Variants in FNIP1 observed in about 807,000 individuals in gnomAD.
FNIP1 encodes the protein folliculin interacting protein 1.
A neutral mutation model predicts 124.5 loss-of-function variants in FNIP1; 40 were observed. The ratio of observed to expected loss-of-function variants is 0.32; its 90% CI spans 0.25 to 0.42. The LOEUF is 0.42. Among genes scored for constraint, FNIP1 ranks in the 10% least tolerant of loss-of-function variants. The pLI, the probability that FNIP1 is intolerant of heterozygous loss-of-function variation, is 1.00. For synonymous variants in FNIP1, 472 were observed against 470.6 expected (o/e 1.00, Z -0.04); for missense variants, 1,176 against 1,403.7 (o/e 0.84, Z 2.59).
chr5:131,722,750 A>G (rs984436153), intron 3 of FNIP1, among the ~76,000 whole-genome samples: 5 of 152,334 alleles, frequency 3.3e-5, no homozygotes, highest in African/African-American at 1.2e-4. Flanking sequence ...CAATGGCACA[A>G]TCTCGGCTCA....
intron 13 of FNIP1, 93 bp downstream of exon 13, chr5:131,677,610 A>C (rs1410928035): frequency 1.7e-5 from 21 of 1,230,260 alleles, no homozygotes; most frequent in Non-Finnish European, 8.0e-6. Context: ...AGGAGGTAAA[A>C]GCATTTTATT....
At chr5:131,658,894 T>A (rs1354123660) in intron 15 of FNIP1, among the ~76,000 whole-genome samples, 2 of 87,620 alleles carry the variant, frequency 2.3e-5, no homozygotes, top group Admixed American at 1.9e-4. Flanking sequence ...AGTTTTTAAA[T>A]CCTGGGTCTA....
chr5:131,781,141 C>A (rs1027558844), intron 1 of FNIP1, among the ~76,000 whole-genome samples: 1 of 152,234 alleles, frequency 6.6e-6, no homozygotes, highest in African/African-American at 2.4e-5. Context: ...AAAGCCTAAT[C>A]CAGGGCAAGG....
rs1175358962 is a variant in FNIP1 at position 131,706,414 on chromosome 5, C to T, written c.911G>A (p.Arg304Lys). 1 of 1,609,418 alleles carries T rather than the reference C, an allele frequency of 6.2e-7. No homozygotes were observed. The highest frequency in any genetic ancestry group is 1.3e-5 in the African/African-American group (1 of 74,732). ...TTSLENGVFP[R>K]WSIEESFNLS... ...TGTGTTTAAAGTTCCAACTTACCAT[C>T]TAGGAAATACCCCATTTTCCAAACT... is the stretch of plus-strand genomic sequence containing the variant. Residue 304 changes from arginine to lysine, a missense_variant, in exon 9 of 18, where the codon AGA (arginine) becomes AAA (lysine). By Grantham distance (26) the Arg-to-Lys change is conservative (BLOSUM62 2). Around this residue, in one of 2 missense-constraint regions of FNIP1, gnomAD observed 1,109 missense variants for 1,288.5 expected, o/e 0.86. Coordinates refer to ENST00000510461, the MANE Select transcript of FNIP1 (RefSeq NM_133372.3).
intron 1 of FNIP1, 75 bp downstream of exon 1, chr5:131,796,755 G>A (rs1580848434): frequency 1.5e-6 from 2 of 1,378,482 alleles, no homozygotes; most frequent in Admixed American, 4.3e-5. Flanking sequence ...TCGGAACACC[G>A]AAGGCCCCAA....
At chr5:131,734,875 T>A (rs1216628532) in intron 2 of FNIP1, among the ~76,000 whole-genome samples, 1 of 152,198 alleles carries the variant, frequency 6.6e-6, no homozygotes, top group Non-Finnish European at 1.5e-5. Context: ...TGTAAACTAG[T>A]TCAACCATTG....
chr5:131,686,712 T>A (rs1034663973), intron 11 of FNIP1, among the ~76,000 whole-genome samples: 1 of 152,162 alleles, frequency 6.6e-6, no homozygotes, highest in African/African-American at 2.4e-5. Context: ...AATGTACAAC[T>A]AAATTATTAT....
At chr5:131,671,289 C>T (rs1767740785) in intron 14 of FNIP1, among the ~76,000 whole-genome samples, 1 of 152,190 alleles carries the variant, frequency 6.6e-6, no homozygotes, top group African/African-American at 2.4e-5. Context: ...TACTTATCAA[C>T]CAGATCCTTT....
chr5:131,652,483 T>C (rs942565747), intron 15 of FNIP1, among the ~76,000 whole-genome samples: 2 of 152,256 alleles, frequency 1.3e-5, no homozygotes. Context: ...GCCTCCCAAG[T>C]AGCTGGGACT....
intron 3 of FNIP1, 144 bp from the exon 4 acceptor site, chr5:131,719,561 G>C: frequency 3.2e-6 from 2 of 629,254 alleles, no homozygotes; most frequent in Non-Finnish European, 5.1e-6. Flanking sequence ...TCTGCAACTC[G>C]ATTTTCTTCC....
Position 131,787,501 on chromosome 5 carries a change from T to C in FNIP1, c.92+9329A>G, listed in dbSNP as rs148286021. ...CAGCTACAACTTGATAAAAGGCTGA[T>C]AAGCCAAACTGAGGACTTTGAACTT... On this transcript the variant is annotated intron_variant, in intron 1 of 17. Coordinates refer to ENST00000510461, the MANE Select transcript of FNIP1 (RefSeq NM_133372.3). Among the ~76,000 whole-genome samples, 976 of 152,326 alleles carry C rather than the reference T, an allele frequency of 6.4e-3. 8 individuals carry two copies. The highest frequency in any genetic ancestry group is 0.01 in the Non-Finnish European group (699 of 68,022).
intron 1 of FNIP1, among the ~76,000 whole-genome samples, chr5:131,775,006 T>C (rs984351273): frequency 6.6e-6 from 1 of 152,242 alleles, no homozygotes; most frequent in South Asian, 2.1e-4. Flanking sequence ...GTGTGCTACA[T>C]ATTGCTTCGG....
intron 3 of FNIP1, among the ~76,000 whole-genome samples, chr5:131,727,273 G>A (rs577715177): frequency 5.6e-4 from 86 of 152,220 alleles, no homozygotes; most frequent in African/African-American, 2.0e-3. Flanking sequence ...CTATTATTGT[G>A]TGGGAGTCTC....
In FNIP1 at chr5:131,693,333, C is replaced by CATATATATATATATATATATACATAT. The variant is rs1768564827; in HGVS notation, c.1202+5583_1202+5584insATATGTATATATATATATATATATAT. 6.8e-4 allele frequency among the ~76,000 whole-genome samples: 34 copies of CATATATATATATATATATATACATAT among 50,138 alleles called. 1 individual carries two copies. Among genetic ancestry groups the CATATATATATATATATATATACATAT allele is most frequent in the African/African-American group, 2.3e-3 (34 of 14,702 alleles). 32.9% of individuals were successfully genotyped at this position (50,138 alleles called of 152,430 possible). ...ATATATATACACATATATATATATA[C>CATATATATATATATATATATACATAT]ATATATATATATATATATATATATA... On this transcript the variant is annotated intron_variant, in intron 11 of 17. Transcript: ENST00000510461.
At chr5:131,674,032 G>A (rs529588992) in intron 13 of FNIP1, among the ~76,000 whole-genome samples, 1 of 151,732 alleles carries the variant, frequency 6.6e-6, no homozygotes, top group East Asian at 1.9e-4. Context: ...GCAAGACTCC[G>A]TCTCAAAAAA....
intron 2 of FNIP1, among the ~76,000 whole-genome samples, chr5:131,731,672 AC>A (rs1770098862): frequency 6.6e-6 from 1 of 151,928 alleles, no homozygotes; most frequent in African/African-American, 2.4e-5. Flanking sequence ...ACCCAAACAA[AC>A]AAAACAACCC....
chr5:131,715,920 C>A (rs1418575694), intron 6 of FNIP1, among the ~76,000 whole-genome samples: 1 of 151,962 alleles, frequency 6.6e-6, no homozygotes, highest in African/African-American at 2.4e-5. Context: ...AATTGCTATC[C>A]CATTCCCTTG....
chr5:131,658,634 G>C (rs79254614), intron 15 of FNIP1, among the ~76,000 whole-genome samples: 1 of 151,864 alleles, frequency 6.6e-6, no homozygotes, highest in African/African-American at 2.4e-5. Flanking sequence ...AAAAAATTTT[G>C]CATTATATAA....
chr5:131,785,639 C>T (rs1772189011), intron 1 of FNIP1, among the ~76,000 whole-genome samples: 1 of 152,112 alleles, frequency 6.6e-6, no homozygotes, highest in Non-Finnish European at 1.5e-5. Context: ...CTGATCGTGT[C>T]ACAGACGGTA....
Sources: gnomAD v4.1 joint callset for allele counts (sites outside exome capture counted in the v4.1 genomes callset) on GRCh38, gnomAD v4.1.1 for gene constraint, gnomAD v4.1.1 regional missense constraint, MANE v1.5 for transcripts, NCBI Gene and HGNC (gene_info 2026-07-23, HGNC 2026-07-21) for gene names.